WWOX: variants seen among roughly 807,000 people sequenced by gnomAD.
The protein encoded by WWOX is WW domain containing oxidoreductase.
A neutral mutation model predicts 46.2 loss-of-function variants in WWOX; 69 were observed. The observed-to-expected ratio is 1.49, with a 90% CI of 1.23 to 1.82. The LOEUF is 1.82. WWOX is among the 40% of genes most tolerant of loss of function. The pLI, the probability that WWOX is intolerant of heterozygous loss-of-function variation, is 0.00. For synonymous variants in WWOX, 359 were observed against 202.6 expected (o/e 1.77, Z -6.56); for missense variants, 919 against 542.6 (o/e 1.69, Z -6.89).
At chr16:78,862,070 A>G (rs892390762) in intron 8 of WWOX, among the ~76,000 whole-genome samples, 1 of 151,684 alleles carries the variant, frequency 6.6e-6, no homozygotes, top group Non-Finnish European at 1.5e-5. Context: ...AGATATATGC[A>G]TATCTATACA....
intron 8 of WWOX, among the ~76,000 whole-genome samples, chr16:79,004,889 G>A (rs972215485): frequency 6.6e-6 from 1 of 152,182 alleles, no homozygotes; most frequent in African/African-American, 2.4e-5. Context: ...TAATTTTGGG[G>A]GGGTTAATTT....
intron 8 of WWOX, among the ~76,000 whole-genome samples, chr16:78,849,702 T>C (rs1217143094): frequency 6.6e-6 from 1 of 152,084 alleles, no homozygotes; most frequent in Non-Finnish European, 1.5e-5. Flanking sequence ...CTAGACTAGA[T>C]TTCTAATCTT....
intron 8 of WWOX, among the ~76,000 whole-genome samples, chr16:78,493,001 C>G (rs748534892): frequency 2.0e-5 from 3 of 152,130 alleles, no homozygotes; most frequent in Non-Finnish European, 4.4e-5. Flanking sequence ...ATGGGAGATA[C>G]TCTTTACCAT....
At chr16:78,447,076 T>TC (rs2083577981) in intron 8 of WWOX, among the ~76,000 whole-genome samples, 1 of 152,240 alleles carries the variant, frequency 6.6e-6, no homozygotes, top group Non-Finnish European at 1.5e-5. Context: ...CCAGTGCCTT[T>TC]CAGAAGTAAG....
At chr16:78,676,413 T>C (rs1396078296) in intron 8 of WWOX, among the ~76,000 whole-genome samples, 1 of 151,846 alleles carries the variant, frequency 6.6e-6, no homozygotes, top group Non-Finnish European at 1.5e-5. Flanking sequence ...ATTTTTTTTT[T>C]TTTTTTTAAC....
chr16:78,733,722 T>C (rs2142391539), intron 8 of WWOX, among the ~76,000 whole-genome samples: 1 of 151,982 alleles, frequency 6.6e-6, no homozygotes, highest in Non-Finnish European at 1.5e-5. Context: ...GCCACTGCAC[T>C]CCAGCCTGGG....
intron 5 of WWOX, among the ~76,000 whole-genome samples, chr16:78,178,570 A>G (rs1051567480): frequency 6.6e-5 from 10 of 152,216 alleles, no homozygotes; most frequent in African/African-American, 2.2e-4. Flanking sequence ...AGTGACATTT[A>G]AAAATAGATA....
chr16:79,202,369 A>G (rs941818541), intron 8 of WWOX, among the ~76,000 whole-genome samples: 3 of 152,208 alleles, frequency 2.0e-5, no homozygotes, highest in South Asian at 2.1e-4. Context: ...GATATAAGGC[A>G]CACGGTAAAG....
At chr16:78,608,069 G>C (rs1193377018) in intron 8 of WWOX, among the ~76,000 whole-genome samples, 1 of 152,188 alleles carries the variant, frequency 6.6e-6, no homozygotes, top group Non-Finnish European at 1.5e-5. Context: ...GAATGTGGGA[G>C]ATGGAACCAT....
At chr16:78,599,235 GA>G (rs1405099522) in intron 8 of WWOX, among the ~76,000 whole-genome samples, 1 of 152,170 alleles carries the variant, frequency 6.6e-6, no homozygotes, top group Non-Finnish European at 1.5e-5. Flanking sequence ...TTTTCCTTTT[GA>G]GAAAGAGGAA....
rs944663628 is a variant in WWOX at position 78,583,773 on chromosome 16, G to T, written c.1056+151021G>T. On this transcript the variant is annotated intron_variant, in intron 8 of 8. Coordinates refer to ENST00000566780, the MANE Select transcript of WWOX (RefSeq NM_016373.4). ...GTGCTTTTGACATGGAAAATCAGGA[G>T]CCAAGGGCGAAGCTGCCTTTTAAAT... Among the ~76,000 whole-genome samples the T allele has an allele frequency of 2.0e-5, 3 of 152,334 alleles. No homozygotes were observed. In the East Asian group the frequency reaches 5.8e-4, roughly 29 times the overall value.
At chr16:78,864,665 C>T (rs570068796) in intron 8 of WWOX, among the ~76,000 whole-genome samples, 1 of 151,664 alleles carries the variant, frequency 6.6e-6, no homozygotes, top group South Asian at 2.1e-4. Context: ...TCTGAGATTC[C>T]CTGTTAGCAC....
intron 8 of WWOX, among the ~76,000 whole-genome samples, chr16:79,037,660 A>G (rs2047894181): frequency 6.6e-6 from 1 of 152,174 alleles, no homozygotes; most frequent in Non-Finnish European, 1.5e-5. Flanking sequence ...CTGCAACCTT[A>G]GTTGTTAGTG....
Position 79,026,294 on chromosome 16 carries a change from A to G in WWOX, c.1057-185314A>G, listed in dbSNP as rs148955334. ...TCAACTCCTAACTCCTGCCTGCCAC[A>G]GGGCCTTTGCACATCCTCTGCCGGG... On this transcript the variant is annotated intron_variant, in intron 8 of 8. Transcript: ENST00000566780. Among the ~76,000 whole-genome samples, 136 of 151,770 alleles carry G rather than the reference A, an allele frequency of 9.0e-4. 4 individuals carry two copies. The highest frequency in any genetic ancestry group is 3.2e-3 in the African/African-American group (131 of 41,130).
chr16:78,597,886 T>A (rs1259665610), intron 8 of WWOX, among the ~76,000 whole-genome samples: 1 of 152,056 alleles, frequency 6.6e-6, no homozygotes, highest in Non-Finnish European at 1.5e-5. Flanking sequence ...TCAGCATACT[T>A]TATCATATCA....
intron 8 of WWOX, among the ~76,000 whole-genome samples, chr16:78,926,165 G>A (rs1366066155): frequency 6.6e-6 from 1 of 152,126 alleles, no homozygotes; most frequent in Non-Finnish European, 1.5e-5. Context: ...TTTGAGCCCA[G>A]GAGTTTGAGA....
At chr16:78,770,668 C>A (rs532689642) in intron 8 of WWOX, among the ~76,000 whole-genome samples, 2 of 151,742 alleles carry the variant, frequency 1.3e-5, no homozygotes, top group Non-Finnish European at 2.9e-5. Flanking sequence ...CCCTCCCCCC[C>A]TCCCCGAAGT....
intron 1 of WWOX, among the ~76,000 whole-genome samples, chr16:78,107,982 G>A (rs891366621): frequency 5.3e-5 from 8 of 152,046 alleles, no homozygotes; most frequent in Admixed American, 5.2e-4. Context: ...AGGCTGGAGT[G>A]CAGCGGCGTG....
intron 8 of WWOX, among the ~76,000 whole-genome samples, chr16:78,874,690 T>TTC (rs1210140014): frequency 7.3e-6 from 1 of 137,672 alleles, no homozygotes; most frequent in African/African-American, 3.0e-5. Flanking sequence ...TTTTCTTTTT[T>TTC]TTTTTTTTTT....
Sources: gnomAD v4.1 joint callset for allele counts (sites outside exome capture counted in the v4.1 genomes callset) on GRCh38, gnomAD v4.1.1 for gene constraint, MANE v1.5 for transcripts, NCBI Gene and HGNC (gene_info 2026-07-23, HGNC 2026-07-21) for gene names.